The following DOCK2 variants were observed in gnomAD, a reference collection of about 807,000 sequenced individuals.
DOCK2 encodes dedicator of cytokinesis 2, also known as dedicator of cytokinesis protein 2.
Under a neutral mutation model 248.9 loss-of-function variants are expected in DOCK2, and 87 were observed. The ratio of observed to expected loss-of-function variants is 0.35; its 90% CI spans 0.29 to 0.42. The LOEUF (loss-of-function observed/expected upper bound fraction) is 0.42. Ranked by LOEUF, DOCK2 falls within the 10% of genes least tolerant of loss-of-function variation. DOCK2 has a pLI of 1.00. For synonymous variants in DOCK2, 805 were observed against 821.6 expected (o/e 0.98, Z 0.35); for missense variants, 1,747 against 2,300.2 (o/e 0.76, Z 4.92).
At chr5:170,010,289 A>G (rs980605382) in intron 32 of DOCK2, among the ~76,000 whole-genome samples, 1 of 152,156 alleles carries the variant, frequency 6.6e-6, no homozygotes, top group Non-Finnish European at 1.5e-5. Flanking sequence ...CTGTTTTTCT[A>G]GAAAGGCATG....
At chr5:169,738,645 C>A (rs548509832) in intron 22 of DOCK2, among the ~76,000 whole-genome samples, 1 of 152,108 alleles carries the variant, frequency 6.6e-6, no homozygotes, top group Admixed American at 6.5e-5. Context: ...AAAAAAGAAG[C>A]TAAGTCTTAT....
At chr5:169,995,190 G>A (rs1427447617) in intron 29 of DOCK2, among the ~76,000 whole-genome samples, 1 of 151,908 alleles carries the variant, frequency 6.6e-6, no homozygotes, top group Non-Finnish European at 1.5e-5. Flanking sequence ...CACAACGCCC[G>A]GCTAATTTTT....
At chr5:169,688,423 A>G (rs1249848656) in intron 8 of DOCK2, among the ~76,000 whole-genome samples, 1 of 152,204 alleles carries the variant, frequency 6.6e-6, no homozygotes, top group Non-Finnish European at 1.5e-5. Flanking sequence ...AACATCCTGA[A>G]CTTTTCCTTT....
intron 26 of DOCK2, among the ~76,000 whole-genome samples, chr5:169,824,157 G>T (rs1312478890): frequency 1.3e-5 from 2 of 152,080 alleles, no homozygotes; most frequent in Non-Finnish European, 2.9e-5. Context: ...CCATGCTCAT[G>T]GGTAGGAAGA....
intron 26 of DOCK2, among the ~76,000 whole-genome samples, chr5:169,812,405 ATG>A (rs1767813714): frequency 6.6e-6 from 1 of 152,212 alleles, no homozygotes; most frequent in Non-Finnish European, 1.5e-5. Context: ...ATTCCACATT[ATG>A]TTGAGTTGTG....
chr5:170,034,700 C>A (rs3763049), intron 35 of DOCK2, 145 bp downstream of exon 35: 4 of 1,163,900 alleles, frequency 3.4e-6, no homozygotes, highest in Non-Finnish European at 4.7e-6. Context: ...ACGTCTGCTG[C>A]GCTTTCTGCT....
At chr5:169,789,787 ATC>A (rs1766215287) in intron 25 of DOCK2, among the ~76,000 whole-genome samples, 1 of 152,226 alleles carries the variant, frequency 6.6e-6, no homozygotes, top group African/African-American at 2.4e-5. Flanking sequence ...AGTCTGTCTC[ATC>A]TCTCTATCTT....
chr5:169,809,736 T>C, intron 26 of DOCK2, among the ~76,000 whole-genome samples: 1 of 152,204 alleles, frequency 6.6e-6, no homozygotes, highest in South Asian at 2.1e-4. Context: ...ACTTGAACTG[T>C]CTATTCTCTG....
chr5:169,739,634 G>C (rs1763208663), intron 22 of DOCK2, among the ~76,000 whole-genome samples: 1 of 152,158 alleles, frequency 6.6e-6, no homozygotes, highest in South Asian at 2.1e-4. Context: ...TTGCACGTGT[G>C]TCTGCGTAAT....
At chr5:169,761,455 G>A (rs1342035138) in intron 24 of DOCK2, 64 bp from the exon 25 acceptor site, 3 of 1,318,362 alleles carry the variant, frequency 2.3e-6, no homozygotes, top group South Asian at 1.2e-5. Flanking sequence ...TGGACTGTAA[G>A]TGCTATGAGC....
At chr5:169,890,810 G>A (rs1030327378) in intron 27 of DOCK2, among the ~76,000 whole-genome samples, 1 of 152,000 alleles carries the variant, frequency 6.6e-6, no homozygotes, top group Non-Finnish European at 1.5e-5. Flanking sequence ...CACAAATTCT[G>A]GTATTCACAC....
intron 27 of DOCK2, among the ~76,000 whole-genome samples, chr5:169,911,607 G>A (rs936117321): frequency 3.9e-5 from 6 of 152,174 alleles, no homozygotes; most frequent in Admixed American, 3.3e-4. Flanking sequence ...TTCATTTCAC[G>A]TGGTGCTAAA....
At chr5:169,906,433 CATAGG>C (rs1774284197) in intron 27 of DOCK2, among the ~76,000 whole-genome samples, 5 of 152,188 alleles carry the variant, frequency 3.3e-5, no homozygotes, top group Non-Finnish European at 7.3e-5. Flanking sequence ...CCACTTCTAA[CATAGG>C]AGCAAACTGA....
chr5:169,957,195 GAATA>G (rs1776905705), intron 27 of DOCK2, among the ~76,000 whole-genome samples: 1 of 152,186 alleles, frequency 6.6e-6, no homozygotes, highest in African/African-American at 2.4e-5. Flanking sequence ...AAATAATGGT[GAATA>G]AATGAATGAA....
chr5:169,845,970 G>GTAGT (rs1770276567), intron 27 of DOCK2, among the ~76,000 whole-genome samples: 1 of 152,180 alleles, frequency 6.6e-6, no homozygotes, highest in African/African-American at 2.4e-5. Context: ...ATGTTGGAAA[G>GTAGT]TAGTTACTCA....
rs1195577813 is a variant in DOCK2, at chr5:170,077,829, C to A, written c.4986C>A (p.Thr1662=). 3 of 1,613,016 alleles carry A rather than the reference C, an allele frequency of 1.9e-6. No homozygotes were observed. Among genetic ancestry groups the A allele is most frequent in the South Asian group, 2.2e-5 (2 of 91,080 alleles). Residue 1662 remains threonine, a synonymous_variant, in exon 48 of 52, where the codon ACC becomes ACA. Transcript: ENST00000520908. ...ACTGCAGCACCCCCAGCAAGCCTACCTCAGAGAGGTCAGTCCCTGCACCCC... is the reference window on the plus strand; with the variant it reads ...ACTGCAGCACCCCCAGCAAGCCTACATCAGAGAGGTCAGTCCCTGCACCCC... The part of the protein sequence containing the change: ...NSDCSTPSKP[T]SESFDLELAS...
At chr5:169,702,552 T>C in intron 14 of DOCK2, 125 bp downstream of exon 14, 6 of 1,423,382 alleles carry the variant, frequency 4.2e-6, no homozygotes, top group Non-Finnish European at 4.8e-6. Context: ...TGGTGTTGAA[T>C]AATGTGTTCA....
intron 32 of DOCK2, among the ~76,000 whole-genome samples, chr5:170,009,124 G>A (rs10056571): frequency 0.1 from 15,386 of 151,816 alleles, 982 homozygotes; most frequent in African/African-American, 0.19. Context: ...TCCACAAAAC[G>A]TACTCCAACC....
chr5:169,912,266 C>T (rs1015715796), intron 27 of DOCK2, among the ~76,000 whole-genome samples: 2 of 151,886 alleles, frequency 1.3e-5, no homozygotes, highest in African/African-American at 4.8e-5. Context: ...CACTGTGTTG[C>T]CCAGGCTGAT....
Sources: allele counts gnomAD v4.1 joint callset (sites outside exome capture counted in the v4.1 genomes callset), GRCh38; gene constraint gnomAD v4.1.1; transcripts MANE v1.5; gene names NCBI Gene and HGNC (gene_info 2026-07-23, HGNC 2026-07-21).